Variants in AIG1 observed in about 807,000 individuals in gnomAD.
The protein encoded by AIG1 is androgen-induced gene 1 protein.
AIG1 carries 23 observed loss-of-function variants against 31.4 expected under a neutral mutation model. The ratio of observed to expected loss-of-function variants is 0.73; its 90% CI spans 0.53 to 1.04. The LOEUF (loss-of-function observed/expected upper bound fraction) is 1.04. Ranked by LOEUF, AIG1 falls within the 50% of genes least tolerant of loss-of-function variation. AIG1 has a pLI of 0.00. For missense variants in AIG1, 274 were observed against 295.0 expected (o/e 0.93, Z 0.52); for synonymous variants, 100 against 110.5 (o/e 0.90, Z 0.60).
intron 3 of AIG1, among the ~76,000 whole-genome samples, chr6:143,252,775 C>A (rs1233980318): frequency 1.3e-5 from 2 of 152,186 alleles, no homozygotes; most frequent in African/African-American, 4.8e-5. Context: ...TCAGACAGGC[C>A]TAGCTAGGTC....
chr6:143,216,030 G>C (rs1452967399), intron 3 of AIG1, among the ~76,000 whole-genome samples: 1 of 152,058 alleles, frequency 6.6e-6, no homozygotes, highest in Non-Finnish European at 1.5e-5. Context: ...GTAGCCTACT[G>C]ATCCCTGCTC....
intron 3 of AIG1, among the ~76,000 whole-genome samples, chr6:143,266,676 G>C (rs1337511172): frequency 6.6e-6 from 1 of 152,188 alleles, no homozygotes; most frequent in Non-Finnish European, 1.5e-5. Flanking sequence ...GGGCATGGTG[G>C]CTAACACCTA....
In AIG1 at chr6:143,279,235, C is replaced by T. The variant is rs1346352459; in HGVS notation, c.400-4875C>T. Among the ~76,000 whole-genome samples, 1 of 152,168 alleles carries T rather than the reference C, an allele frequency of 6.6e-6. No individual in the cohort carries two copies. Among genetic ancestry groups the T allele is most frequent in the African/African-American group, 2.4e-5 (1 of 41,430 alleles). On this transcript the variant is annotated intron_variant, in intron 3 of 5. Coordinates refer to ENST00000357847, the MANE Select transcript of AIG1 (RefSeq NM_016108.4). This position sits in a 1 kb window ranked among gnomAD's most constrained non-coding sequence, Gnocchi z 5.4. ...TGGGCCCTGGCACTGTGGCTACTGTCCCTAAAGCATAGGTGGGTCAGCCCT... is the reference window on the plus strand; with the variant it reads ...TGGGCCCTGGCACTGTGGCTACTGTTCCTAAAGCATAGGTGGGTCAGCCCT...
At chr6:143,222,087 G>A (rs1479958602) in intron 3 of AIG1, among the ~76,000 whole-genome samples, 13 of 152,122 alleles carry the variant, frequency 8.5e-5, no homozygotes, top group Admixed American at 8.5e-4. Flanking sequence ...ATATGAACCT[G>A]GTGATCTCTG....
rs1267800771 is a variant in AIG1, at chr6:143,279,542, G to A, written c.400-4568G>A. Among the ~76,000 whole-genome samples the A allele has an allele frequency of 2.6e-5, 4 of 152,078 alleles. No individual in the cohort carries two copies. The highest frequency in any genetic ancestry group is 1.9e-4 in the East Asian group (1 of 5,188). On this transcript the variant is annotated intron_variant, in intron 3 of 5. Coordinates refer to ENST00000357847, the MANE Select transcript of AIG1 (RefSeq NM_016108.4). The surrounding 1 kb of genome is among the most constrained non-coding windows in gnomAD (Gnocchi z 5.4). ...ATCAGAATTAATCATGGGTCCTTCC[G>A]TGAATCCAGCCCCACCTCAGGTGTG...
In AIG1 at chr6:143,325,838, A is replaced by G. The variant is rs1033233218; in HGVS notation, c.516-7444A>G. ...AAATGCTAGTAACAGTGAGTTACTG[A>G]CAAATGTTTAACAACCAGCTAGGTC... is the stretch of plus-strand genomic sequence containing the variant. On this transcript the variant is annotated intron_variant, in intron 4 of 5. Coordinates refer to ENST00000357847, the MANE Select transcript of AIG1 (RefSeq NM_016108.4). This position sits in a 1 kb window ranked among gnomAD's most constrained non-coding sequence, Gnocchi z 4.3. 1.3e-5 allele frequency among the ~76,000 whole-genome samples: 2 copies of G among 152,152 alleles called. No homozygotes were observed. The highest frequency in any genetic ancestry group is 1.3e-4 in the Admixed American group (2 of 15,278).
intron 2 of AIG1, among the ~76,000 whole-genome samples, chr6:143,155,279 T>A (rs1413049717): frequency 6.6e-6 from 1 of 152,324 alleles, no homozygotes; most frequent in South Asian, 2.1e-4. Flanking sequence ...CAGTCAGTTA[T>A]TTCATGGTAA....
chr6:143,181,312 C>T (rs557572505), intron 3 of AIG1, among the ~76,000 whole-genome samples: 2 of 152,202 alleles, frequency 1.3e-5, no homozygotes, highest in East Asian at 3.9e-4. Flanking sequence ...ATGGACCTCC[C>T]AAAGAAAACA....
chr6:143,154,027 G>A (rs1171035625), intron 2 of AIG1, among the ~76,000 whole-genome samples: 1 of 151,686 alleles, frequency 6.6e-6, no homozygotes, highest in African/African-American at 2.4e-5. Context: ...AAGGCTGGAG[G>A]ATCACTTGAA....
intron 1 of AIG1, among the ~76,000 whole-genome samples, chr6:143,133,996 A>ATT (rs1464220283): frequency 6.6e-6 from 1 of 152,002 alleles, no homozygotes; most frequent in Non-Finnish European, 1.5e-5. Flanking sequence ...ACCAAACCCT[A>ATT]TTTTTTAGTC....
chr6:143,068,761 A>AT (rs11448335), intron 1 of AIG1, among the ~76,000 whole-genome samples: 14,644 of 152,204 alleles, frequency 0.096, 1,082 homozygotes, highest in Admixed American at 0.2. Context: ...TTGGAACTTT[A>AT]GTACATACAG....
chr6:143,265,327 T>G (rs1796082377), intron 3 of AIG1, among the ~76,000 whole-genome samples: 1 of 152,252 alleles, frequency 6.6e-6, no homozygotes, highest in Admixed American at 6.5e-5. Flanking sequence ...CTTTGTTAAA[T>G]AATCGTCATG....
At chr6:143,250,150 A>G (rs550580674) in intron 3 of AIG1, among the ~76,000 whole-genome samples, 3 of 152,358 alleles carry the variant, frequency 2.0e-5, no homozygotes, top group South Asian at 4.1e-4. Flanking sequence ...TAGCAGGTGC[A>G]TGGGCCCTAG....
At chr6:143,188,229 G>A in intron 3 of AIG1, 2 of 989,012 alleles carry the variant, frequency 2.0e-6, no homozygotes, top group Non-Finnish European at 2.4e-6. Context: ...TAGGAGAGGG[G>A]CGTTTCTTTC....
At chr6:143,147,598 G>A (rs1434741785) in intron 2 of AIG1, among the ~76,000 whole-genome samples, 1 of 152,098 alleles carries the variant, frequency 6.6e-6, no homozygotes, top group Non-Finnish European at 1.5e-5. Flanking sequence ...AATTAGCATT[G>A]AGTCAACAAA....
intron 3 of AIG1, among the ~76,000 whole-genome samples, chr6:143,194,775 C>G (rs1790088080): frequency 6.6e-6 from 1 of 152,164 alleles, no homozygotes; most frequent in Non-Finnish European, 1.5e-5. Flanking sequence ...TGCTGCCTGT[C>G]ATCACTGTCC....
intron 3 of AIG1, among the ~76,000 whole-genome samples, chr6:143,260,418 G>C (rs1190226986): frequency 6.6e-6 from 1 of 152,136 alleles, no homozygotes; most frequent in Non-Finnish European, 1.5e-5. Flanking sequence ...ATTGGAATTT[G>C]AATCTATTCT....
At position 143,206,578 on chromosome 6, in the gene AIG1, A is replaced by G. The variant is rs893185868; in HGVS notation, c.399+41395A>G. Among the ~76,000 whole-genome samples, 4 of 152,174 alleles carry G rather than the reference A, an allele frequency of 2.6e-5. No homozygotes were observed. In the East Asian group the frequency reaches 5.8e-4, roughly 22 times the overall value. ...AGGCAGATCTTTGCTTTTTTGGCAT[A>G]TGTCTACCATAGCCTTACAGTGGAT... On this transcript the variant is annotated intron_variant, in intron 3 of 5. Coordinates refer to ENST00000357847, the MANE Select transcript of AIG1 (RefSeq NM_016108.4).
intron 1 of AIG1, among the ~76,000 whole-genome samples, chr6:143,093,104 A>G (rs1004668439): frequency 6.6e-6 from 1 of 152,180 alleles, no homozygotes; most frequent in Non-Finnish European, 1.5e-5. Flanking sequence ...CTTTGAAGCC[A>G]GGCATTGACT....
Sources: allele counts gnomAD v4.1 joint callset (sites outside exome capture counted in the v4.1 genomes callset), GRCh38; gene constraint gnomAD v4.1.1; non-coding constraint Gnocchi (gnomAD v3.1); transcripts MANE v1.5; gene names NCBI Gene and HGNC (gene_info 2026-07-23, HGNC 2026-07-21).